Variants in FAF1 observed in about 807,000 individuals in gnomAD.
FAF1 encodes Fas associated factor 1, also known as FAS-associated factor 1.
Under a neutral mutation model 92.5 loss-of-function variants are expected in FAF1, and 25 were observed. The observed-to-expected ratio is 0.27, with a 90% CI of 0.20 to 0.38. The LOEUF (loss-of-function observed/expected upper bound fraction) is 0.38, where lower values mean the gene tolerates loss of function less well. Among genes scored for constraint, FAF1 ranks in the 10% least tolerant of loss-of-function variants. The pLI, the probability that FAF1 is intolerant of heterozygous loss-of-function variation, is 1.00. For missense variants in FAF1, 636 were observed against 793.3 expected (o/e 0.80, Z 2.38); for synonymous variants, 234 against 273.2 (o/e 0.86, Z 1.42).
At chr1:50,886,035 ACTGT>A (rs780284875) in intron 1 of FAF1, among the ~76,000 whole-genome samples, 44 of 152,230 alleles carry the variant, frequency 2.9e-4, no homozygotes, top group South Asian at 6.2e-4. Flanking sequence ...ATCTTCCTGT[ACTGT>A]CTATGTTTTG....
At chr1:50,471,484 A>G (rs747380106) in intron 18 of FAF1, among the ~76,000 whole-genome samples, 1 of 152,214 alleles carries the variant, frequency 6.6e-6, no homozygotes, top group African/African-American at 2.4e-5. Context: ...TAGAGGGAGA[A>G]ACAAAAATTA....
chr1:50,722,591 G>A (rs183762102), intron 6 of FAF1, among the ~76,000 whole-genome samples: 4 of 150,770 alleles, frequency 2.7e-5, no homozygotes, highest in Admixed American at 2.0e-4. Context: ...AGAGCTTGCA[G>A]TGAGCTGAGA....
At chr1:50,781,490 T>C (rs570273531) in intron 4 of FAF1, among the ~76,000 whole-genome samples, 2 of 152,044 alleles carry the variant, frequency 1.3e-5, no homozygotes, top group South Asian at 4.2e-4. Context: ...AATACTGAAG[T>C]ACCCAAATAT....
intron 6 of FAF1, among the ~76,000 whole-genome samples, chr1:50,706,728 G>A (rs1467945138): frequency 2.6e-5 from 4 of 152,118 alleles, no homozygotes; most frequent in Admixed American, 2.6e-4. Flanking sequence ...CATCAGTATT[G>A]AAAATAAAGA....
chr1:50,810,309 T>C (rs1009592965), intron 2 of FAF1, among the ~76,000 whole-genome samples: 1 of 152,106 alleles, frequency 6.6e-6, no homozygotes, highest in Non-Finnish European at 1.5e-5. Flanking sequence ...ATTTACCACA[T>C]AAACAGAACT....
intron 1 of FAF1, 23 bp downstream of exon 1, chr1:50,959,744 G>A (rs1645300084): frequency 1.3e-6 from 2 of 1,597,100 alleles, no homozygotes; most frequent in East Asian, 2.3e-5. Context: ...GAAGTGGGAG[G>A]GGAAGAGGGC....
intron 1 of FAF1, among the ~76,000 whole-genome samples, chr1:50,956,377 C>T (rs1483420515): frequency 2.0e-5 from 3 of 151,988 alleles, no homozygotes; most frequent in Admixed American, 2.0e-4. Flanking sequence ...AAAAAAAATA[C>T]AAAAATCCTT....
At chr1:50,496,077 C>T (rs1646894857) in intron 15 of FAF1, among the ~76,000 whole-genome samples, 1 of 152,170 alleles carries the variant, frequency 6.6e-6, no homozygotes, top group Non-Finnish European at 1.5e-5. Flanking sequence ...TAATTTATGA[C>T]ACCCTCAGTA....
chr1:50,711,545 C>T (rs144355976), intron 6 of FAF1, among the ~76,000 whole-genome samples: 161 of 144,042 alleles, frequency 1.1e-3, no homozygotes, highest in African/African-American at 4.0e-3. Flanking sequence ...TCTTGGCTCA[C>T]TGCAACCTCC....
At chr1:50,883,468 G>A (rs1644630588) in intron 1 of FAF1, among the ~76,000 whole-genome samples, 1 of 152,172 alleles carries the variant, frequency 6.6e-6, no homozygotes, top group Non-Finnish European at 1.5e-5. Flanking sequence ...TATCACTCAT[G>A]AAGCAAAGTC....
intron 5 of FAF1, among the ~76,000 whole-genome samples, chr1:50,743,158 T>C (rs761569130): frequency 6.6e-5 from 10 of 152,192 alleles, no homozygotes; most frequent in Non-Finnish European, 1.5e-4. Context: ...TCTAAACTTA[T>C]CTGTATCTTG....
At chr1:50,461,122 A>G (rs1463519073) in intron 18 of FAF1, among the ~76,000 whole-genome samples, 2 of 152,208 alleles carry the variant, frequency 1.3e-5, no homozygotes, top group East Asian at 1.9e-4. Flanking sequence ...ATTATACAAT[A>G]TAACTACTGT....
chr1:50,585,798 ATT>A (rs1651198132), intron 9 of FAF1, among the ~76,000 whole-genome samples: 1 of 151,004 alleles, frequency 6.6e-6, no homozygotes, highest in Non-Finnish European at 1.5e-5. Context: ...TAACATAAAT[ATT>A]TTGCCAGAAA....
At chr1:50,620,971 G>T (rs903134058) in intron 8 of FAF1, among the ~76,000 whole-genome samples, 1 of 152,258 alleles carries the variant, frequency 6.6e-6, no homozygotes, top group East Asian at 1.9e-4. Flanking sequence ...GGCCCCCTCA[G>T]GCAGAGGCTG....
intron 6 of FAF1, among the ~76,000 whole-genome samples, chr1:50,721,735 C>CA (rs1308639516): frequency 6.6e-6 from 1 of 151,916 alleles, no homozygotes; most frequent in Admixed American, 6.6e-5. Context: ...GCAATCCTTC[C>CA]ATCTCAGCCT....
chr1:50,463,995 G>A (rs1449563568), intron 18 of FAF1, among the ~76,000 whole-genome samples: 1 of 152,184 alleles, frequency 6.6e-6, no homozygotes, highest in Non-Finnish European at 1.5e-5. Context: ...GAGGAAAGTA[G>A]GAGTGAAAGT....
intron 6 of FAF1, among the ~76,000 whole-genome samples, chr1:50,732,491 C>T (rs1246854988): frequency 6.6e-6 from 1 of 152,162 alleles, no homozygotes; most frequent in East Asian, 1.9e-4. Context: ...GTCATATCTT[C>T]TTGGCAAATT....
chr1:50,681,750 C>T (rs936376344), intron 7 of FAF1, among the ~76,000 whole-genome samples: 2 of 151,884 alleles, frequency 1.3e-5, no homozygotes, highest in Non-Finnish European at 2.9e-5. Flanking sequence ...AACTCCTGAC[C>T]TCAGGTGATC....
intron 1 of FAF1, among the ~76,000 whole-genome samples, chr1:50,920,923 C>T (rs1644957543): frequency 6.6e-6 from 1 of 151,980 alleles, no homozygotes; most frequent in Non-Finnish European, 1.5e-5. Flanking sequence ...GGTCCTATCA[C>T]AGGCAATAAA....
Sources: gnomAD v4.1 joint callset for allele counts (sites outside exome capture counted in the v4.1 genomes callset) on GRCh38, gnomAD v4.1.1 for gene constraint, MANE v1.5 for transcripts, NCBI Gene and HGNC (gene_info 2026-07-23, HGNC 2026-07-21) for gene names.